MBOAT2: variants seen among roughly 807,000 people sequenced by gnomAD.
MBOAT2 encodes membrane bound glycerophospholipid O-acyltransferase 2.
In MBOAT2, 28 loss-of-function variants were observed where a neutral mutation model predicts 63.4. The ratio of observed to expected loss-of-function variants is 0.44; its 90% CI spans 0.33 to 0.61. The LOEUF is 0.61. MBOAT2 is among the 20% of genes least tolerant of loss of function. The pLI is 0.03. For missense variants in MBOAT2, 470 were observed against 605.8 expected (o/e 0.78, Z 2.35); for synonymous variants, 211 against 215.6 (o/e 0.98, Z 0.19).
chr2:8,883,076 C>T (rs964134582), intron 5 of MBOAT2, among the ~76,000 whole-genome samples: 1 of 152,000 alleles, frequency 6.6e-6, no homozygotes, highest in Non-Finnish European at 1.5e-5. Context: ...TTTAAGATTA[C>T]ACATCAATTT....
intron 3 of MBOAT2, among the ~76,000 whole-genome samples, chr2:8,939,453 G>C (rs1007266690): frequency 1.3e-5 from 2 of 152,240 alleles, no homozygotes; most frequent in Admixed American, 6.5e-5. Context: ...CGCAGTGGGA[G>C]CACGGGGGAA....
chr2:8,857,143 CG>C lies in MBOAT2; in HGVS notation c.*1535del, dbSNP rs1359171514. On this transcript the variant is annotated 3_prime_UTR_variant, in exon 13 of 13. Transcript: ENST00000305997. Reference sequence around the variant, plus strand: ...CAAATTTATTAGTGACTCCACCCCCCGAAAAAAAGAGAGAGAGAACCCCATC... The same window carrying C: ...CAAATTTATTAGTGACTCCACCCCCCAAAAAAAGAGAGAGAGAACCCCATC... The C allele has an allele frequency of 6.6e-6, 1 of 152,202 alleles. No individual in the cohort carries two copies. The highest frequency in any genetic ancestry group is 1.5e-5 in the Non-Finnish European group (1 of 67,946). The allele number at this position is 152,202 out of a possible 1,614,324, so 9.4% of individuals were successfully genotyped here.
intron 8 of MBOAT2, among the ~76,000 whole-genome samples, chr2:8,870,048 C>A (rs1275228934): frequency 1.3e-5 from 2 of 152,208 alleles, no homozygotes; most frequent in Admixed American, 6.5e-5. Flanking sequence ...ACAGACCCTG[C>A]CTAATCTTTA....
intron 1 of MBOAT2, among the ~76,000 whole-genome samples, chr2:8,975,797 C>CAAAA (rs75305828): frequency 3.3e-5 from 2 of 60,702 alleles, no homozygotes; most frequent in African/African-American, 4.6e-5. Flanking sequence ...ATGAACAATA[C>CAAAA]AAAAAAAAAA....
chr2:8,989,070 A>C (rs1288184419), intron 1 of MBOAT2, among the ~76,000 whole-genome samples: 1 of 152,212 alleles, frequency 6.6e-6, no homozygotes, highest in Admixed American at 6.5e-5. Flanking sequence ...GATCGTTTTC[A>C]GGAGTTGAAG....
chr2:8,897,255 T>G (rs1366862314), intron 4 of MBOAT2, among the ~76,000 whole-genome samples: 2 of 152,086 alleles, frequency 1.3e-5, no homozygotes, highest in African/African-American at 4.8e-5. Flanking sequence ...TCCTCTCTCT[T>G]TCTCTGACTT....
At chr2:8,927,990 G>A (rs1667053231) in intron 3 of MBOAT2, among the ~76,000 whole-genome samples, 1 of 152,102 alleles carries the variant, frequency 6.6e-6, no homozygotes, top group African/African-American at 2.4e-5. Flanking sequence ...AATCATGGCA[G>A]AAGGTGAAGG....
At chr2:8,937,446 A>T (rs1268518609) in intron 3 of MBOAT2, among the ~76,000 whole-genome samples, 1 of 152,246 alleles carries the variant, frequency 6.6e-6, no homozygotes, top group Non-Finnish European at 1.5e-5. Flanking sequence ...GTCAATGAGG[A>T]CGAAACACAC....
intron 5 of MBOAT2, among the ~76,000 whole-genome samples, chr2:8,887,063 T>G (rs1663610126): frequency 6.6e-6 from 1 of 152,116 alleles, no homozygotes; most frequent in Non-Finnish European, 1.5e-5. Flanking sequence ...ACTGAAGCAG[T>G]AAGAAGCTGA....
chr2:8,969,070 A>C (rs1004030746), intron 1 of MBOAT2, among the ~76,000 whole-genome samples: 20 of 152,194 alleles, frequency 1.3e-4, no homozygotes, highest in African/African-American at 4.6e-4. Context: ...ACATAATTGT[A>C]AGATTCACCA....
intron 1 of MBOAT2, among the ~76,000 whole-genome samples, chr2:8,996,289 T>G (rs981644263): frequency 2.0e-5 from 3 of 152,206 alleles, no homozygotes; most frequent in South Asian, 4.1e-4. Context: ...AATCAACTAT[T>G]CTTTCAAAAT....
intron 4 of MBOAT2, among the ~76,000 whole-genome samples, chr2:8,900,895 T>C (rs1443428235): frequency 6.6e-6 from 1 of 152,090 alleles, no homozygotes; most frequent in Non-Finnish European, 1.5e-5. Flanking sequence ...GGGGCCAGGC[T>C]GTAGTGCAGA....
intron 1 of MBOAT2, among the ~76,000 whole-genome samples, chr2:8,967,620 C>T (rs1344413370): frequency 6.6e-6 from 1 of 151,972 alleles, no homozygotes; most frequent in Admixed American, 6.6e-5. Context: ...TGTGAGATAG[C>T]CAGAAAATTT....
chr2:8,919,390 T>C (rs1666414084), intron 3 of MBOAT2, among the ~76,000 whole-genome samples: 1 of 152,218 alleles, frequency 6.6e-6, no homozygotes, highest in Non-Finnish European at 1.5e-5. Context: ...CTGGGTATTG[T>C]CAGTCTTTTA....
chr2:8,959,515 G>A (rs757212116), intron 1 of MBOAT2, among the ~76,000 whole-genome samples: 1 of 148,382 alleles, frequency 6.7e-6, no homozygotes, highest in African/African-American at 2.5e-5. Flanking sequence ...AGGCTGGACT[G>A]CAGTGGTGAA....
intron 9 of MBOAT2, 53 bp downstream of exon 9, chr2:8,868,393 C>G: frequency 6.8e-7 from 1 of 1,466,270 alleles, no homozygotes; most frequent in South Asian, 1.2e-5. Context: ...CTTATGAAAG[C>G]AAACTATGGT....
rs1661557644 is a variant in MBOAT2 at position 8,862,407 on chromosome 2, TG to T, written c.1185+182del. On this transcript the variant is annotated intron_variant, in intron 11 of 12. Coordinates refer to ENST00000305997, the MANE Select transcript of MBOAT2 (RefSeq NM_138799.4). This position sits in a 1 kb window ranked among gnomAD's most constrained non-coding sequence, Gnocchi z 4.3. ...GTTTTCTCCTCACAGGAACTGGGCA[TG>T]GAGCCTAGCCCGTGGTGAGCGCTCA... 8.1e-6 allele frequency: 11 copies of T among 1,362,506 alleles called. No individual in the cohort carries two copies. Among genetic ancestry groups the T allele is most frequent in the Non-Finnish European group, 3.0e-6 (3 of 1,006,360 alleles). The allele number at this position is 1,362,506 out of a possible 1,614,324, so 84.4% of individuals were successfully genotyped here. A position where few individuals can be genotyped will look rare whatever the true frequency, so the allele number is the denominator to read the frequency against.
chr2:8,956,250 T>C (rs191955028), intron 2 of MBOAT2, among the ~76,000 whole-genome samples: 36 of 152,246 alleles, frequency 2.4e-4, no homozygotes, highest in African/African-American at 8.7e-4. Flanking sequence ...AGTACTGAAA[T>C]GCAAATCAAA....
chr2:8,972,761 T>C (rs947319731), intron 1 of MBOAT2, among the ~76,000 whole-genome samples: 9 of 152,044 alleles, frequency 5.9e-5, no homozygotes, highest in Non-Finnish European at 1.2e-4. Context: ...AACAGACACA[T>C]GAAAAAATGC....
Sources: gnomAD v4.1 joint callset for allele counts (sites outside exome capture counted in the v4.1 genomes callset) on GRCh38, gnomAD v4.1.1 for gene constraint, Gnocchi (gnomAD v3.1) non-coding constraint, MANE v1.5 for transcripts, NCBI Gene and HGNC (gene_info 2026-07-23, HGNC 2026-07-21) for gene names.